Variants in CDK14 observed in about 807,000 individuals in gnomAD.
The protein encoded by CDK14 is cyclin-dependent kinase 14.
A neutral mutation model predicts 60.7 loss-of-function variants in CDK14; 34 were observed. That is an observed-to-expected ratio of 0.56 (90% CI 0.43 to 0.75). CDK14 has a LOEUF of 0.75. Ranked by LOEUF, CDK14 falls within the 30% of genes least tolerant of loss-of-function variation. The pLI is 0.00. For missense variants in CDK14, 482 were observed against 564.1 expected, an observed-to-expected ratio of 0.85 and a Z score of 1.47; for synonymous variants, 197 against 203.7, an observed-to-expected ratio of 0.97 and a Z score of 0.28.
At chr7:90,988,591 A>G (rs1795441005) in intron 10 of CDK14, among the ~76,000 whole-genome samples, 1 of 152,194 alleles carries the variant, frequency 6.6e-6, no homozygotes, top group East Asian at 1.9e-4. Context: ...AAAAATTTGT[A>G]TTCTAAACAT....
chr7:90,714,470 A>G (rs1802173617), intron 2 of CDK14, among the ~76,000 whole-genome samples: 1 of 152,054 alleles, frequency 6.6e-6, no homozygotes, highest in Non-Finnish European at 1.5e-5. Context: ...TCTTCATGAA[A>G]TCAGTTAGGA....
chr7:91,059,400 T>C (rs1327380602), intron 11 of CDK14, among the ~76,000 whole-genome samples: 1 of 152,128 alleles, frequency 6.6e-6, no homozygotes, highest in African/African-American at 2.4e-5. Flanking sequence ...GTGTCTCTAT[T>C]TCCTTCAGTT....
At chr7:90,818,097 G>A (rs982231988) in intron 5 of CDK14, among the ~76,000 whole-genome samples, 3 of 152,142 alleles carry the variant, frequency 2.0e-5, no homozygotes, top group African/African-American at 7.2e-5. Flanking sequence ...CTAGTTGATT[G>A]GCCAGGAGCT....
At chr7:90,892,645 C>T (rs1220595850) in intron 6 of CDK14, among the ~76,000 whole-genome samples, 1 of 152,190 alleles carries the variant, frequency 6.6e-6, no homozygotes, top group Non-Finnish European at 1.5e-5. Context: ...AAACATTTCA[C>T]CTCAAGAGGG....
Position 90,784,662 on chromosome 7 carries a change from TTTACCTTGAAA to T in CDK14, c.465-5908_465-5898del, listed in dbSNP as rs1202501965. On this transcript the variant is annotated intron_variant, in intron 4 of 14. Coordinates refer to ENST00000380050, the MANE Select transcript of CDK14 (RefSeq NM_001287135.2). ...TATGACAAGGTGTAATTACTGACAG[TTTACCTTGAAA>T]TTTTAATTTATTTTTCTGGAATAAA... Among the ~76,000 whole-genome samples, 9 of 152,302 alleles carry T rather than the reference TTTACCTTGAAA, an allele frequency of 5.9e-5. No homozygotes were observed. In the East Asian group the frequency reaches 1.7e-3, roughly 29 times the overall value.
At chr7:90,890,644 A>G (rs1792089977) in intron 6 of CDK14, among the ~76,000 whole-genome samples, 1 of 152,224 alleles carries the variant, frequency 6.6e-6, no homozygotes, top group African/African-American at 2.4e-5. Context: ...GTGCAATTTC[A>G]AAGTCAATTT....
chr7:90,811,196 ATG>A (rs1285342063), intron 5 of CDK14, among the ~76,000 whole-genome samples: 2 of 152,224 alleles, frequency 1.3e-5, no homozygotes, highest in Non-Finnish European at 2.9e-5. Context: ...TGGAGGCATC[ATG>A]CTACCTGACT....
intron 4 of CDK14, among the ~76,000 whole-genome samples, chr7:90,781,221 G>C (rs1584885890): frequency 6.6e-6 from 1 of 152,290 alleles, no homozygotes; most frequent in African/African-American, 2.4e-5. Context: ...CTTCTTTTGA[G>C]AAGTGTCTGT....
chr7:90,601,920 TTTTATGTATGTATGTATGTATGTATGTA>T (rs1799322164), intron 1 of CDK14, among the ~76,000 whole-genome samples: 1 of 125,704 alleles, frequency 8.0e-6, no homozygotes, highest in African/African-American at 3.1e-5. Context: ...GCTTGGCTAA[TTTTATGTATGTATGTATGTATGTATGTA>T]TGTATGTATG....
chr7:91,165,264 G>C (rs1241193902), intron 14 of CDK14, among the ~76,000 whole-genome samples: 1 of 152,184 alleles, frequency 6.6e-6, no homozygotes, highest in Non-Finnish European at 1.5e-5. Flanking sequence ...AGAGCATTCA[G>C]AGTCAACAGC....
chr7:90,676,601 C>T (rs539307129), intron 2 of CDK14, among the ~76,000 whole-genome samples: 2 of 150,906 alleles, frequency 1.3e-5, no homozygotes, highest in African/African-American at 2.4e-5. Context: ...GGCGTGATCT[C>T]GGCTCACTGC....
chr7:90,822,010 C>T (rs1164598341), intron 5 of CDK14, among the ~76,000 whole-genome samples: 1 of 152,212 alleles, frequency 6.6e-6, no homozygotes, highest in Non-Finnish European at 1.5e-5. Flanking sequence ...CATCTTTAAT[C>T]CCCTGCGGGT....
intron 8 of CDK14, 54 bp from the exon 9 acceptor site, chr7:90,955,643 T>G: frequency 1.2e-6 from 2 of 1,603,694 alleles, no homozygotes; most frequent in Non-Finnish European, 1.7e-6. Context: ...AAATTTAAAT[T>G]CCCTTGTTTT....
rs537063974 is a variant in CDK14, at chr7:91,150,597, AT to A, written c.*28+32394del. 1.9e-3 allele frequency among the ~76,000 whole-genome samples: 296 copies of A among 152,322 alleles called. 2 individuals are homozygous for A. Among genetic ancestry groups the A allele is most frequent in the Non-Finnish European group, 2.7e-3 (186 of 68,018 alleles). ...CTTAAACTTTATTTAGTATATAATC[AT>A]TTTTAGTAAGAATTTGGCCTTTACT... On this transcript the variant is annotated intron_variant, in intron 14 of 14. Transcript: ENST00000380050.
At chr7:90,947,260 C>T (rs1331979026) in intron 8 of CDK14, among the ~76,000 whole-genome samples, 1 of 152,170 alleles carries the variant, frequency 6.6e-6, no homozygotes, top group Non-Finnish European at 1.5e-5. Context: ...CTTTCAGTCT[C>T]CCTCACCAGG....
chr7:91,166,458 A>T (rs1296394712), intron 14 of CDK14, among the ~76,000 whole-genome samples: 1 of 152,232 alleles, frequency 6.6e-6, no homozygotes, highest in African/African-American at 2.4e-5. Flanking sequence ...AAAAAGAAAA[A>T]CAGCAGCTTA....
intron 4 of CDK14, among the ~76,000 whole-genome samples, chr7:90,756,989 C>G (rs143314502): frequency 6.6e-6 from 1 of 152,108 alleles, no homozygotes; most frequent in Non-Finnish European, 1.5e-5. Context: ...ATAACAATGT[C>G]CCACAATCTG....
intron 14 of CDK14, among the ~76,000 whole-genome samples, chr7:91,156,616 G>A (rs986364423): frequency 2.0e-5 from 3 of 152,150 alleles, no homozygotes; most frequent in Non-Finnish European, 4.4e-5. Context: ...AAATCCAGTG[G>A]GGAAAAGGAA....
At chr7:91,129,404 A>G (rs1800053858) in intron 14 of CDK14, among the ~76,000 whole-genome samples, 1 of 152,206 alleles carries the variant, frequency 6.6e-6, no homozygotes, top group Admixed American at 6.5e-5. Context: ...TGATTTTATT[A>G]AACCTCTACT....
Sources: allele counts gnomAD v4.1 joint callset (sites outside exome capture counted in the v4.1 genomes callset), GRCh38; gene constraint gnomAD v4.1.1; transcripts MANE v1.5; gene names NCBI Gene and HGNC (gene_info 2026-07-23, HGNC 2026-07-21).